XKR6: variants seen among roughly 807,000 people sequenced by gnomAD.
XKR6 encodes the protein XK related 6.
In XKR6, 22 loss-of-function variants were observed where a neutral mutation model predicts 56.7. The ratio of observed to expected loss-of-function variants is 0.39; its 90% CI spans 0.28 to 0.55. XKR6 has a LOEUF of 0.55. Among genes scored for constraint, XKR6 ranks in the 20% least tolerant of loss-of-function variants. The probability of loss-of-function intolerance (pLI) is 0.66; values close to 1 mark genes in which losing one functional copy is unlikely to be tolerated. For synonymous variants in XKR6, 524 were observed against 387.8 expected (o/e 1.35, Z -4.13); for missense variants, 852 against 889.0 (o/e 0.96, Z 0.53).
chr8:11,141,588 T>G (rs1275890968), intron 1 of XKR6, among the ~76,000 whole-genome samples: 1 of 152,220 alleles, frequency 6.6e-6, no homozygotes, highest in Non-Finnish European at 1.5e-5. Flanking sequence ...ACCCCAGCTC[T>G]GAGGACTCCC....
At position 11,201,267 on chromosome 8, in the gene XKR6, C is replaced by T. The variant is rs1216487941; in HGVS notation, c.73G>A (p.Gly25Ser). ...TCCCCGTCCTCCTCGCCGCCGCTGC[C>T]CACCGCCTCGTCCAGGTTGTGCAGC... ...AQLHNLDEAVGSGGEEDGEPG... is the reference protein window; with the variant it reads ...AQLHNLDEAVSSGGEEDGEPG... The change falls in exon 1 of 3, where the codon GGC (glycine) becomes AGC (serine). Residue 25 changes from glycine to serine, a missense_variant. Gly to Ser is a moderately conservative substitution (Grantham distance 56). Coordinates refer to ENST00000416569, the MANE Select transcript of XKR6 (RefSeq NM_173683.4). The T allele has an allele frequency of 6.3e-7, 1 of 1,578,608 alleles. No individual in the cohort carries two copies. Among genetic ancestry groups the T allele is most frequent in the South Asian group, 1.1e-5 (1 of 88,088 alleles).
chr8:10,899,261 G>T (rs145703409), intron 2 of XKR6, among the ~76,000 whole-genome samples: 125 of 152,340 alleles, frequency 8.2e-4, no homozygotes, highest in Non-Finnish European at 1.6e-3. Flanking sequence ...CGATTCTTGT[G>T]GCACACAGAT....
At chr8:11,138,035 C>A (rs1041984857) in intron 1 of XKR6, 1 of 244,986 alleles carries the variant, frequency 4.1e-6, no homozygotes, top group African/African-American at 2.3e-5. Context: ...AGGGTGGGAT[C>A]CTCCATCGCT....
rs79529441 is a variant in XKR6, at chr8:11,067,792, G to C, written c.764+132784C>G. Among the ~76,000 whole-genome samples the C allele has an allele frequency of 6.7e-3, 1,020 of 152,360 alleles. 12 individuals carry two copies. The highest frequency in any genetic ancestry group is 0.022 in the African/African-American group (902 of 41,592). On this transcript the variant is annotated intron_variant, in intron 1 of 2. Transcript: ENST00000416569. ...GAGTCTCTGCCACTTCCAAGAGCAG[G>C]CGTTTCAGAGGTGGATGTGCCTCCC...
chr8:11,078,944 A>G (rs1452648423), intron 1 of XKR6, among the ~76,000 whole-genome samples: 1 of 152,218 alleles, frequency 6.6e-6, no homozygotes, highest in Non-Finnish European at 1.5e-5. Flanking sequence ...ACATCTTCCA[A>G]TGGCCAAGGC....
At chr8:11,100,280 C>T (rs954001729) in intron 1 of XKR6, among the ~76,000 whole-genome samples, 9 of 152,164 alleles carry the variant, frequency 5.9e-5, no homozygotes, top group African/African-American at 1.7e-4. Flanking sequence ...TCTCGAAATT[C>T]TTGGGCTCAA....
At chr8:10,997,445 G>C (rs1431939947) in intron 1 of XKR6, among the ~76,000 whole-genome samples, 1 of 152,148 alleles carries the variant, frequency 6.6e-6, no homozygotes, top group Non-Finnish European at 1.5e-5. Flanking sequence ...GAGCAGGGGT[G>C]GCGGTCTGAG....
At chr8:10,978,486 G>A (rs1000096139) in intron 1 of XKR6, among the ~76,000 whole-genome samples, 6 of 152,290 alleles carry the variant, frequency 3.9e-5, no homozygotes, top group Non-Finnish European at 7.4e-5. Context: ...AAGACGATTT[G>A]TTGAAGGCTG....
At chr8:11,122,678 G>C (rs1473417743) in intron 1 of XKR6, among the ~76,000 whole-genome samples, 1 of 152,210 alleles carries the variant, frequency 6.6e-6, no homozygotes, top group African/African-American at 2.4e-5. Context: ...TCTTCAAAAA[G>C]TTAGTGACAG....
Position 11,131,818 on chromosome 8 carries a change from T to C in XKR6, c.764+68758A>G, listed in dbSNP as rs528411826. On this transcript the variant is annotated intron_variant, in intron 1 of 2. Coordinates refer to ENST00000416569, the MANE Select transcript of XKR6 (RefSeq NM_173683.4). ...CAACTGCCTACACTATTCAGTAGAG[T>C]AACGTGCTATACAGGCTTGAAGCCT... Among the ~76,000 whole-genome samples the C allele has an allele frequency of 1.7e-4, 26 of 152,290 alleles. 1 individual carries two copies. In the South Asian group the frequency reaches 5.4e-3, roughly 32 times the overall value.
chr8:11,133,273 A>G (rs2116904007), intron 1 of XKR6, among the ~76,000 whole-genome samples: 2 of 152,276 alleles, frequency 1.3e-5, no homozygotes, highest in East Asian at 3.9e-4. Flanking sequence ...ATCTACAAAA[A>G]TACGGCGTCA....
At chr8:11,082,661 C>T (rs1191302938) in intron 1 of XKR6, among the ~76,000 whole-genome samples, 1 of 152,242 alleles carries the variant, frequency 6.6e-6, no homozygotes, top group Non-Finnish European at 1.5e-5. Flanking sequence ...TCTGTCCCAA[C>T]AGCAGTCCCC....
chr8:11,151,065 C>G (rs1801245860), intron 1 of XKR6, among the ~76,000 whole-genome samples: 1 of 152,064 alleles, frequency 6.6e-6, no homozygotes, highest in Admixed American at 6.6e-5. Context: ...TCATATAAGA[C>G]TCTTTTGTGA....
chr8:11,130,691 C>G (rs1463829335), intron 1 of XKR6, among the ~76,000 whole-genome samples: 1 of 151,382 alleles, frequency 6.6e-6, no homozygotes, highest in African/African-American at 2.4e-5. Context: ...CTCCTTCAGA[C>G]AAAGGTACAG....
intron 1 of XKR6, among the ~76,000 whole-genome samples, chr8:11,199,460 G>C (rs1344523064): frequency 1.3e-5 from 2 of 152,184 alleles, no homozygotes; most frequent in Non-Finnish European, 2.9e-5. Context: ...ACTAAGCTTG[G>C]AGTCAGGGCA....
rs1286286497 is a variant in XKR6, at chr8:11,201,306, C to A, written c.34G>T (p.Val12Leu). ...AAKSDGGGVG[V>L]GFAQLHNLDE... ...AGGTTGTGCAGCTGAGCGAAGCCCACCCCCACGCCACCGCCATCGGATTTC... is the reference window on the plus strand; with the variant it reads ...AGGTTGTGCAGCTGAGCGAAGCCCAACCCCACGCCACCGCCATCGGATTTC... Residue 12 changes from valine (V) to leucine (L), a missense_variant, in exon 1 of 3, where the codon GTG (valine) becomes TTG (leucine). Transcript: ENST00000416569. The A allele has an allele frequency of 2.5e-6, 4 of 1,580,500 alleles. No individual in the cohort carries two copies. The highest frequency in any genetic ancestry group is 2.6e-6 in the Non-Finnish European group (3 of 1,173,198).
intron 1 of XKR6, among the ~76,000 whole-genome samples, chr8:10,931,730 G>C (rs1047586000): frequency 1.3e-4 from 19 of 151,920 alleles, no homozygotes; most frequent in Non-Finnish European, 2.2e-4. Context: ...ATAGGTTAAC[G>C]TGTAAAACCA....
intron 1 of XKR6, among the ~76,000 whole-genome samples, chr8:11,030,931 C>T (rs1798979346): frequency 6.6e-6 from 1 of 152,196 alleles, no homozygotes; most frequent in South Asian, 2.1e-4. Flanking sequence ...GAAGTAGGTA[C>T]TCTTATGACC....
intron 1 of XKR6, among the ~76,000 whole-genome samples, chr8:11,085,788 C>G (rs1307796676): frequency 6.6e-6 from 1 of 152,180 alleles, no homozygotes; most frequent in Non-Finnish European, 1.5e-5. Flanking sequence ...ACCAGTCTCT[C>G]CCCTTCCTCC....
Sources: allele counts gnomAD v4.1 joint callset (sites outside exome capture counted in the v4.1 genomes callset), GRCh38; gene constraint gnomAD v4.1.1; transcripts MANE v1.5; gene names NCBI Gene and HGNC (gene_info 2026-07-23, HGNC 2026-07-21).